CALCRL: variants seen among roughly 807,000 people sequenced by gnomAD.
The protein encoded by CALCRL is calcitonin receptor like receptor.
CALCRL carries 27 observed loss-of-function variants against 60.4 expected under a neutral mutation model. That is an observed-to-expected ratio of 0.45 (90% CI 0.33 to 0.62). The LOEUF (loss-of-function observed/expected upper bound fraction) is 0.62. Among genes scored for constraint, CALCRL ranks in the 20% least tolerant of loss-of-function variants. CALCRL has a pLI of 0.03. For synonymous variants in CALCRL, 190 were observed against 182.6 expected (o/e 1.04, Z -0.33); for missense variants, 424 against 540.7 (o/e 0.78, Z 2.14).
At position 187,394,663 on chromosome 2, in the gene CALCRL, A is replaced by T. The variant is rs1688587174; in HGVS notation, c.-292-6907T>A. Among the ~76,000 whole-genome samples, 2 of 152,020 alleles carry T rather than the reference A, an allele frequency of 1.3e-5. 1 individual carries two copies. Among genetic ancestry groups the T allele is most frequent in the South Asian group, 4.1e-4 (2 of 4,836 alleles). ...CTAAATTGCTGTGTAATTTTAAGAA[A>T]ATCAACTCAACTATTTTCTGCTTGG... On this transcript the variant is annotated intron_variant, in intron 1 of 14. Transcript: ENST00000392370.
At chr2:187,351,585 A>C (rs556415535) in intron 14 of CALCRL, among the ~76,000 whole-genome samples, 25 of 151,982 alleles carry the variant, frequency 1.6e-4, no homozygotes, top group Middle Eastern at 6.8e-3. Context: ...ATTAGAGTGT[A>C]TGTTCTATGA....
At chr2:187,395,561 T>C (rs1462314153) in intron 1 of CALCRL, among the ~76,000 whole-genome samples, 1 of 152,076 alleles carries the variant, frequency 6.6e-6, no homozygotes, top group Non-Finnish European at 1.5e-5. Context: ...CTTCTAGAAA[T>C]TAAATTTGTT....
intron 1 of CALCRL, among the ~76,000 whole-genome samples, chr2:187,439,022 T>C (rs557463689): frequency 6.6e-6 from 1 of 152,302 alleles, no homozygotes; most frequent in South Asian, 2.1e-4. Context: ...TAGACTCTAG[T>C]ATAAAGAAAC....
intron 14 of CALCRL, among the ~76,000 whole-genome samples, chr2:187,346,762 A>G (rs936524834): frequency 6.6e-6 from 1 of 151,840 alleles, no homozygotes; most frequent in African/African-American, 2.4e-5. Context: ...GTCTTTATTA[A>G]TAGAATGAGA....
At chr2:187,395,101 C>G (rs1205989423) in intron 1 of CALCRL, among the ~76,000 whole-genome samples, 1 of 152,010 alleles carries the variant, frequency 6.6e-6, no homozygotes, top group African/African-American at 2.4e-5. Flanking sequence ...ATCATGTTGA[C>G]TGAACAAACC....
chr2:187,405,115 G>A (rs1159168768), intron 1 of CALCRL, among the ~76,000 whole-genome samples: 1 of 151,902 alleles, frequency 6.6e-6, no homozygotes, highest in African/African-American at 2.4e-5. Flanking sequence ...GGGGTTAAAT[G>A]TAATAACCCA....
At chr2:187,445,840 C>A (rs1048905628) in intron 1 of CALCRL, among the ~76,000 whole-genome samples, 1 of 151,266 alleles carries the variant, frequency 6.6e-6, no homozygotes, top group Non-Finnish European at 1.5e-5. Flanking sequence ...TTCGGAGTCA[C>A]CAGTGAGAAA....
At chr2:187,346,489 G>A in intron 14 of CALCRL, 90 bp from the exon 15 acceptor site, 2 of 823,950 alleles carry the variant, frequency 2.4e-6, no homozygotes, top group Non-Finnish European at 3.8e-6. Context: ...AATAGGTCTT[G>A]GAGAAGAGCT....
intron 10 of CALCRL, among the ~76,000 whole-genome samples, chr2:187,360,139 C>G (rs1463368665): frequency 6.6e-6 from 1 of 151,936 alleles, no homozygotes; most frequent in Non-Finnish European, 1.5e-5. Context: ...CTTTTGCATG[C>G]CTTTATTCAA....
At chr2:187,439,008 G>A (rs1690772807) in intron 1 of CALCRL, among the ~76,000 whole-genome samples, 2 of 152,024 alleles carry the variant, frequency 1.3e-5, no homozygotes, top group Admixed American at 1.3e-4. Context: ...AGTTTTCTGT[G>A]ATTTAGACTC....
At chr2:187,432,326 G>A (rs1417806480) in intron 1 of CALCRL, among the ~76,000 whole-genome samples, 1 of 152,074 alleles carries the variant, frequency 6.6e-6, no homozygotes, top group Non-Finnish European at 1.5e-5. Flanking sequence ...TTAAGAACTT[G>A]AAAAATGTCA....
intron 1 of CALCRL, among the ~76,000 whole-genome samples, chr2:187,439,506 A>C (rs1171413850): frequency 6.6e-6 from 1 of 151,988 alleles, no homozygotes; most frequent in Non-Finnish European, 1.5e-5. Context: ...AACAAACAAA[A>C]AACCAACAAA....
At chr2:187,402,103 A>C (rs918049966) in intron 1 of CALCRL, among the ~76,000 whole-genome samples, 2 of 151,684 alleles carry the variant, frequency 1.3e-5, no homozygotes, top group African/African-American at 4.8e-5. Context: ...ATGTTGATAT[A>C]CTAAAATTTG....
chr2:187,403,190 A>C (rs935778231), intron 1 of CALCRL, among the ~76,000 whole-genome samples: 6 of 151,914 alleles, frequency 3.9e-5, no homozygotes, highest in African/African-American at 1.4e-4. Context: ...AAAAATATTT[A>C]AAAGAGTTAT....
At position 187,364,423 on chromosome 2, in the gene CALCRL, G is replaced by T. The variant is rs888343360; in HGVS notation, c.501-921C>A. On this transcript the variant is annotated intron_variant, in intron 8 of 14. Coordinates refer to ENST00000392370, the MANE Select transcript of CALCRL (RefSeq NM_005795.6). ...TGAACTCATATGAAGGAAGACCTGA[G>T]GAATTATTTCACTACAGAGGCAAAA... 2.6e-5 allele frequency among the ~76,000 whole-genome samples: 4 copies of T among 151,774 alleles called. No individual in the cohort carries two copies. In the South Asian group the frequency reaches 6.2e-4, roughly 24 times the overall value.
At chr2:187,421,355 C>G (rs1319723712) in intron 1 of CALCRL, among the ~76,000 whole-genome samples, 1 of 152,122 alleles carries the variant, frequency 6.6e-6, no homozygotes, top group Non-Finnish European at 1.5e-5. Flanking sequence ...CTCATAAATT[C>G]CTACTTTTAT....
chr2:187,392,400 GTGAGCAAAGT>G (rs1467182046), intron 1 of CALCRL, among the ~76,000 whole-genome samples: 3 of 152,084 alleles, frequency 2.0e-5, no homozygotes, highest in Non-Finnish European at 4.4e-5. Context: ...GAACCTTTGT[GTGAGCAAAGT>G]TGAGCTATGT....
At chr2:187,358,678 G>A (rs1686911978) in intron 12 of CALCRL, among the ~76,000 whole-genome samples, 1 of 151,984 alleles carries the variant, frequency 6.6e-6, no homozygotes, top group South Asian at 2.1e-4. Flanking sequence ...AGATAAATTT[G>A]AGTCTTTGTT....
intron 8 of CALCRL, among the ~76,000 whole-genome samples, chr2:187,369,066 T>G (rs974193613): frequency 1.3e-5 from 2 of 152,106 alleles, no homozygotes; most frequent in East Asian, 3.9e-4. Context: ...ACCAAGGTGC[T>G]CAATGAAGGT....
Sources: allele counts gnomAD v4.1 joint callset (sites outside exome capture counted in the v4.1 genomes callset), GRCh38; gene constraint gnomAD v4.1.1; transcripts MANE v1.5; gene names NCBI Gene and HGNC (gene_info 2026-07-23, HGNC 2026-07-21).